AQP9: variants seen among roughly 807,000 people sequenced by gnomAD.
AQP9 encodes aquaporin-9.
Under a neutral mutation model 23.8 loss-of-function variants are expected in AQP9, and 19 were observed. The ratio of observed to expected loss-of-function variants is 0.80; its 90% confidence interval spans 0.56 to 1.17. The LOEUF is 1.17. AQP9 is among the 50% of genes most tolerant of loss of function. AQP9 has a pLI of 0.00. For missense variants in AQP9, 413 were observed against 362.0 expected (o/e 1.14, Z -1.14); for synonymous variants, 153 against 131.5 (o/e 1.16, Z -1.12).
chr15:58,177,742 G>A (rs1898791265), intron 4 of AQP9, among the ~76,000 whole-genome samples: 1 of 152,104 alleles, frequency 6.6e-6, no homozygotes, highest in Non-Finnish European at 1.5e-5. Flanking sequence ...GAAGTACCTG[G>A]CACATAATAA....
At chr15:58,181,329 G>A (rs1442933995) in intron 5 of AQP9, among the ~76,000 whole-genome samples, 5 of 152,168 alleles carry the variant, frequency 3.3e-5, no homozygotes. Flanking sequence ...GTCCTTCACT[G>A]TTGTGTTTAT....
intron 3 of AQP9, among the ~76,000 whole-genome samples, chr15:58,173,444 C>T (rs1284501994): frequency 6.6e-6 from 1 of 152,132 alleles, no homozygotes; most frequent in Non-Finnish European, 1.5e-5. Context: ...TGTCTTTGTG[C>T]CAAGCCAGCA....
intron 1 of AQP9, among the ~76,000 whole-genome samples, chr15:58,141,222 A>G (rs1280986955): frequency 6.6e-6 from 1 of 152,128 alleles, no homozygotes; most frequent in African/African-American, 2.4e-5. Flanking sequence ...GCTCACTCCT[A>G]CTACTCTATA....
intron 1 of AQP9, among the ~76,000 whole-genome samples, chr15:58,157,901 C>T (rs944350191): frequency 1.7e-4 from 26 of 152,124 alleles, no homozygotes; most frequent in Non-Finnish European, 2.8e-4. Context: ...AAAGGATTTT[C>T]ATTTCTAGGT....
intron 2 of AQP9, among the ~76,000 whole-genome samples, chr15:58,171,816 C>T (rs1487233451): frequency 6.6e-6 from 1 of 151,578 alleles, no homozygotes; most frequent in Admixed American, 6.6e-5. Context: ...AACAAGTGCA[C>T]CTATTGGTTC....
intron 1 of AQP9, among the ~76,000 whole-genome samples, chr15:58,158,933 G>A (rs575182986): frequency 6.6e-6 from 1 of 152,240 alleles, no homozygotes; most frequent in South Asian, 2.1e-4. Context: ...TTCTGAAAGG[G>A]CTCAGTTCTT....
Position 58,158,071 on chromosome 15 carries a change from T to C in AQP9, c.112-8602T>C, listed in dbSNP as rs535321065. On this transcript the variant is annotated intron_variant, in intron 1 of 5. Coordinates refer to ENST00000219919, the MANE Select transcript of AQP9 (RefSeq NM_020980.5). Reference sequence around the variant, plus strand: ...AGCCCTTTCTCTTTGGACTGACACATCTGGTTTACAAATGAGGCCATTTAT... The same window carrying C: ...AGCCCTTTCTCTTTGGACTGACACACCTGGTTTACAAATGAGGCCATTTAT... Among the ~76,000 whole-genome samples the C allele has an allele frequency of 7.9e-5, 12 of 152,260 alleles. No homozygotes were observed. In the East Asian group the frequency reaches 2.3e-3, roughly 29 times the overall value.
At chr15:58,167,798 CT>C (rs1346688069) in intron 2 of AQP9, among the ~76,000 whole-genome samples, 1 of 152,144 alleles carries the variant, frequency 6.6e-6, no homozygotes, top group Non-Finnish European at 1.5e-5. Flanking sequence ...TCTTGGCTCA[CT>C]GCAACCTACA....
Position 58,143,947 on chromosome 15 carries a change from C to T in AQP9, c.111+5271C>T, listed in dbSNP as rs149324393. 6.6e-5 allele frequency among the ~76,000 whole-genome samples: 10 copies of T among 152,292 alleles called. No individual in the cohort carries two copies. In the East Asian group the frequency reaches 1.9e-3, roughly 29 times the overall value. On this transcript the variant is annotated intron_variant, in intron 1 of 5. Coordinates refer to ENST00000219919, the MANE Select transcript of AQP9 (RefSeq NM_020980.5). ...CCAAAGTGATTTCAAAGTTGTACTT[C>T]CAGTAGCGACATGAGTTCCCATTTA...
intron 1 of AQP9, among the ~76,000 whole-genome samples, chr15:58,161,024 A>T (rs112140371): frequency 0.024 from 3,725 of 152,252 alleles, 84 homozygotes; most frequent in African/African-American, 0.055. Context: ...ATCATGAGGT[A>T]AGGCAATGGA....
At chr15:58,156,092 C>G (rs369023630) in intron 1 of AQP9, 2 of 152,112 alleles carry the variant, frequency 1.3e-5, no homozygotes, top group Non-Finnish European at 2.9e-5. Flanking sequence ...CTCAATGCTC[C>G]GGTCTTGTAA....
rs546828309 is a variant in AQP9, at chr15:58,179,995, G to A, written c.713+650G>A. On this transcript the variant is annotated intron_variant, in intron 5 of 5. Coordinates refer to ENST00000219919, the MANE Select transcript of AQP9 (RefSeq NM_020980.5). ...TCTGGAGATATGAGTAAGAACTTCCGGACAGGACAGACGTAAGATTGAGCC... is the reference window on the plus strand; with the variant it reads ...TCTGGAGATATGAGTAAGAACTTCCAGACAGGACAGACGTAAGATTGAGCC... Among the ~76,000 whole-genome samples, 10 of 152,258 alleles carry A rather than the reference G, an allele frequency of 6.6e-5. No homozygotes were observed. In the East Asian group the frequency reaches 1.7e-3, roughly 26 times the overall value.
intron 4 of AQP9, 41 bp downstream of exon 4, chr15:58,175,077 A>T (rs1193989198): frequency 6.7e-7 from 1 of 1,503,056 alleles, no homozygotes; most frequent in East Asian, 2.3e-5. Flanking sequence ...TGGTGAAAAG[A>T]TATGCTCTCA....
intron 5 of AQP9, among the ~76,000 whole-genome samples, chr15:58,183,632 G>A (rs559433008): frequency 6.0e-4 from 91 of 152,244 alleles, no homozygotes; most frequent in Admixed American, 3.5e-3. Context: ...ATGAGGGAAA[G>A]GCAATTCTGA....
intron 2 of AQP9, among the ~76,000 whole-genome samples, chr15:58,167,743 T>C (rs1461155698): frequency 1.3e-5 from 2 of 152,084 alleles, no homozygotes; most frequent in Non-Finnish European, 2.9e-5. Flanking sequence ...TGTTTTTTTT[T>C]AGGAGTCTTG....
At chr15:58,153,026 G>C (rs2140596785) in intron 1 of AQP9, 1 of 152,198 alleles carries the variant, frequency 6.6e-6, no homozygotes, top group South Asian at 2.1e-4. Context: ...ACTTTTTATT[G>C]GATGAGAAGG....
chr15:58,143,590 A>G (rs879391967), intron 1 of AQP9, among the ~76,000 whole-genome samples: 3 of 152,218 alleles, frequency 2.0e-5, no homozygotes, highest in Non-Finnish European at 2.9e-5. Flanking sequence ...TTGAAGTTTT[A>G]CTACAGTTGC....
At chr15:58,178,990 C>T (rs768885639) in intron 4 of AQP9, 138 bp from the exon 5 acceptor site, 1 of 622,806 alleles carries the variant, frequency 1.6e-6, no homozygotes, top group Non-Finnish European at 2.8e-6. Flanking sequence ...CAGTACATGC[C>T]AGTTATTACT....
chr15:58,179,451 C>A, intron 5 of AQP9, 106 bp downstream of exon 5: 1 of 936,796 alleles, frequency 1.1e-6, no homozygotes, highest in Non-Finnish European at 1.6e-6. Flanking sequence ...ACAGCGCCAA[C>A]GTTAACTGCA....
Sources: gnomAD v4.1 joint callset for allele counts (sites outside exome capture counted in the v4.1 genomes callset) on GRCh38, gnomAD v4.1.1 for gene constraint, MANE v1.5 for transcripts, NCBI Gene and HGNC (gene_info 2026-07-23, HGNC 2026-07-21) for gene names.